FOXP1: variants seen among roughly 807,000 people sequenced by gnomAD.
The protein encoded by FOXP1 is forkhead box P1.
A neutral mutation model predicts 98.2 loss-of-function variants in FOXP1; 15 were observed. The ratio of observed to expected loss-of-function variants is 0.15; its 90% CI spans 0.10 to 0.24. FOXP1 has a LOEUF of 0.24. Ranked by LOEUF, FOXP1 falls within the 10% of genes least tolerant of loss-of-function variation. FOXP1 has a pLI of 1.00. For missense variants in FOXP1, 633 were observed against 848.5 expected, an observed-to-expected ratio of 0.75 and a Z score of 3.15; for synonymous variants, 371 against 314.5, an observed-to-expected ratio of 1.18 and a Z score of -1.90.
intron 3 of FOXP1, among the ~76,000 whole-genome samples, chr3:71,426,117 C>T (rs1043039159): frequency 6.6e-6 from 1 of 152,160 alleles, no homozygotes; most frequent in African/African-American, 2.4e-5. Flanking sequence ...GATGGTGATA[C>T]CTCTTGACCT....
chr3:71,478,926 G>T lies in FOXP1; in HGVS notation c.-168+14500C>A, dbSNP rs73093426. Among the ~76,000 whole-genome samples the T allele has an allele frequency of 9.5e-3, 1,448 of 152,312 alleles. 12 individuals are homozygous for T. Among genetic ancestry groups the T allele is most frequent in the Non-Finnish European group, 0.014 (925 of 68,020 alleles). On this transcript the variant is annotated intron_variant, in intron 3 of 20. Coordinates refer to ENST00000649528, the MANE Select transcript of FOXP1 (RefSeq NM_001349338.3). ...TCTCTGAGAATCTTGTTGAAAGGAG[G>T]GGGGGAGGGAAAGTCACTTGGAGAA...
At position 71,397,023 on chromosome 3, in the gene FOXP1, T is replaced by TATGTGTATATATATATATACAC. The variant is rs1553871544; in HGVS notation, c.-167-37780_-167-37779insGTGTATATATATATATACACAT. 8.3e-5 allele frequency among the ~76,000 whole-genome samples: 2 copies of TATGTGTATATATATATATACAC among 24,064 alleles called. 1 individual carries two copies. Among genetic ancestry groups the TATGTGTATATATATATATACAC allele is most frequent in the Non-Finnish European group, 2.2e-4 (2 of 9,262 alleles). The allele number at this position is 24,064 out of a possible 152,430, so 15.8% of individuals were successfully genotyped here. ...ATATATATGTGTATATATATATATATACATATATATGTGTATATATATATA... is the reference window on the plus strand; with the variant it reads ...ATATATATGTGTATATATATATATATATGTGTATATATATATATACACACATATATATGTGTATATATATATA... On this transcript the variant is annotated intron_variant, in intron 3 of 20. Transcript: ENST00000649528.
intron 4 of FOXP1, among the ~76,000 whole-genome samples, chr3:71,343,699 C>A (rs149313619): frequency 1.3e-5 from 2 of 151,918 alleles, no homozygotes; most frequent in African/African-American, 4.8e-5. Context: ...TACCACCACA[C>A]CTGACTAATT....
chr3:71,423,146 ACATCTTCAAAG>A (rs1371154250), intron 3 of FOXP1, among the ~76,000 whole-genome samples: 1 of 152,232 alleles, frequency 6.6e-6, no homozygotes, highest in Non-Finnish European at 1.5e-5. Flanking sequence ...AGACAATTTC[ACATCTTCAAAG>A]CTCTCACTGA....
chr3:71,121,606 C>T (rs575763995), intron 6 of FOXP1, among the ~76,000 whole-genome samples: 9 of 151,974 alleles, frequency 5.9e-5, no homozygotes, highest in East Asian at 1.9e-4. Context: ...ACCAAGTCTC[C>T]GGCACCTGAG....
intron 4 of FOXP1, among the ~76,000 whole-genome samples, chr3:71,350,955 A>T (rs2568827): frequency 0.3 from 46,167 of 151,630 alleles, 7,402 homozygotes; most frequent in African/African-American, 0.38. Flanking sequence ...ACCTCCCACC[A>T]CCCCCAACTC....
intron 3 of FOXP1, among the ~76,000 whole-genome samples, chr3:71,409,993 C>A (rs112862038): frequency 0.038 from 5,787 of 152,170 alleles, 152 homozygotes; most frequent in Non-Finnish European, 0.054. Flanking sequence ...CCAGCCTGAA[C>A]AACAGCATGA....
chr3:70,961,000 G>A (rs911457366), intron 20 of FOXP1, among the ~76,000 whole-genome samples: 17 of 151,596 alleles, frequency 1.1e-4, no homozygotes, highest in East Asian at 2.0e-4. Context: ...CTGCCACCGC[G>A]CCCGGCTAAA....
rs115177203 is a variant in FOXP1 at position 71,294,086 on chromosome 3, T to A, written c.-12+5734A>T. On this transcript the variant is annotated intron_variant, in intron 5 of 20. Transcript: ENST00000649528. The stretch of plus-strand genomic sequence containing the variant: ...AGTAAATCTATACAAACAGAATGTA[T>A]ATTTGTTGTTATCAGGGGATGGCGG... 1.8e-3 allele frequency among the ~76,000 whole-genome samples: 275 copies of A among 152,320 alleles called. 3 individuals are homozygous for A. Among genetic ancestry groups the A allele is most frequent in the African/African-American group, 6.3e-3 (260 of 41,566 alleles).
chr3:70,967,708 T>TG (rs1559586352), intron 19 of FOXP1, among the ~76,000 whole-genome samples: 7 of 121,704 alleles, frequency 5.8e-5, no homozygotes, highest in African/African-American at 1.7e-4. Flanking sequence ...TTGTTTTTTT[T>TG]TGTTTTTTTT....
At chr3:71,499,339 A>G (rs1369842775) in intron 2 of FOXP1, among the ~76,000 whole-genome samples, 4 of 152,186 alleles carry the variant, frequency 2.6e-5, no homozygotes, top group Non-Finnish European at 5.9e-5. Flanking sequence ...GCAAAAGTCA[A>G]ATTCAATGTG....
chr3:71,177,988 A>G (rs1205482555), intron 6 of FOXP1, among the ~76,000 whole-genome samples: 1 of 142,492 alleles, frequency 7.0e-6, no homozygotes, highest in Non-Finnish European at 1.5e-5. Flanking sequence ...GGCATGTGCC[A>G]CCACACCTGG....
At position 71,380,803 on chromosome 3, in the gene FOXP1, T is replaced by G. The variant is rs535993051; in HGVS notation, c.-167-21559A>C. On this transcript the variant is annotated intron_variant, in intron 3 of 20. Transcript: ENST00000649528. ...CTTCTGTGGCCTTTCAACCAAACAA[T>G]TTTCCCCCAAGACAGAATGGTTTTT... Among the ~76,000 whole-genome samples the G allele has an allele frequency of 5.5e-4, 81 of 146,212 alleles. 1 individual carries two copies. The highest frequency in any genetic ancestry group is 6.9e-4 in the Non-Finnish European group (46 of 67,030).
rs189899905 is a variant in FOXP1, at chr3:71,244,681, C to T, written c.-11-46289G>A. On this transcript the variant is annotated intron_variant, in intron 5 of 20. Transcript: ENST00000649528. ...ACACACCTCTGCTACATCTCATCCA[C>T]AACTGGTGGCATTTTTTTTTTCTGA... 3.9e-5 allele frequency among the ~76,000 whole-genome samples: 6 copies of T among 152,018 alleles called. No homozygotes were observed. In the East Asian group the frequency reaches 1.2e-3, roughly 29 times the overall value.
At chr3:71,091,121 G>C (rs2055778455) in intron 7 of FOXP1, among the ~76,000 whole-genome samples, 1 of 134,880 alleles carries the variant, frequency 7.4e-6, no homozygotes, top group African/African-American at 2.8e-5. Context: ...GTGTGTGTGT[G>C]TGTGTGTGTG....
At position 71,478,094 on chromosome 3, in the gene FOXP1, C is replaced by T. The variant is rs184089616; in HGVS notation, c.-168+15332G>A. ...ATTCATTAGGCTACAAATCAAAACC[C>T]GTCTGTCCTTGACATCTCTTTAATG... On this transcript the variant is annotated intron_variant, in intron 3 of 20. Transcript: ENST00000649528. 2.6e-3 allele frequency among the ~76,000 whole-genome samples: 395 copies of T among 152,254 alleles called. 1 individual carries two copies. The highest frequency in any genetic ancestry group is 9.0e-3 in the African/African-American group (376 of 41,560).
chr3:71,096,566 A>C (rs2056475852), intron 7 of FOXP1, among the ~76,000 whole-genome samples: 1 of 152,288 alleles, frequency 6.6e-6, no homozygotes, highest in African/African-American at 2.4e-5. Context: ...AATGGAGGAA[A>C]ATTATGTGAG....
At chr3:71,215,982 CTAA>C in intron 5 of FOXP1, among the ~76,000 whole-genome samples, 2 of 152,302 alleles carry the variant, frequency 1.3e-5, no homozygotes, top group Middle Eastern at 6.8e-3. Flanking sequence ...AAGGTACATG[CTAA>C]TAATTGCAGG....
chr3:70,963,841 G>A (rs748402648), intron 20 of FOXP1, among the ~76,000 whole-genome samples: 14 of 152,192 alleles, frequency 9.2e-5, no homozygotes, highest in Non-Finnish European at 8.8e-5. Flanking sequence ...ACGAAACGTA[G>A]TGGTATCTGA....
Sources: allele counts gnomAD v4.1 joint callset (sites outside exome capture counted in the v4.1 genomes callset), GRCh38; gene constraint gnomAD v4.1.1; transcripts MANE v1.5; gene names NCBI Gene and HGNC (gene_info 2026-07-23, HGNC 2026-07-21).